Variants in KIAA0753 observed in about 807,000 individuals in gnomAD.
KIAA0753 encodes the protein protein moonraker.
KIAA0753 carries 114 observed loss-of-function variants against 116.9 expected under a neutral mutation model. That is an observed-to-expected ratio of 0.98 (90% CI 0.84 to 1.14). KIAA0753 has a LOEUF of 1.14. Among genes scored for constraint, KIAA0753 ranks in the 50% most tolerant of loss-of-function variants. KIAA0753 has a pLI of 0.00. For synonymous variants in KIAA0753, 405 were observed against 413.1 expected, an observed-to-expected ratio of 0.98 and a Z score of 0.24; for missense variants, 1,156 against 1,172.4, an observed-to-expected ratio of 0.99 and a Z score of 0.20.
At position 6,579,949 on chromosome 17, in the gene KIAA0753, A is replaced by G. The variant is rs541089262; in HGVS notation, c.2787-85T>C. 5.2e-5 allele frequency: 48 copies of G among 921,790 alleles called. No individual in the cohort carries two copies. The Admixed American group carries it at 6.3e-4, about 12-fold the overall frequency. 57.1% of individuals were successfully genotyped at this position (921,790 alleles called of 1,614,324 possible). ...TGTCATCCCAGCACTTTGGGAGGCC[A>G]AGATGGACAGATCACCTGAGGTCAG... On this transcript the variant is annotated intron_variant, in intron 18 of 18. Transcript: ENST00000361413.
intron 9 of KIAA0753, among the ~76,000 whole-genome samples, chr17:6,609,132 C>A (rs537109781): frequency 1.3e-5 from 2 of 152,278 alleles, no homozygotes; most frequent in South Asian, 4.1e-4. Flanking sequence ...TGAGCACGGC[C>A]ATTCCTTCAC....
chr17:6,638,371 G>C (rs894657835), intron 1 of KIAA0753: 2 of 152,948 alleles, frequency 1.3e-5, no homozygotes, highest in African/African-American at 4.8e-5. Flanking sequence ...CGCCCACACA[G>C]CAGCAGGCAC....
intron 12 of KIAA0753, among the ~76,000 whole-genome samples, chr17:6,603,775 A>T (rs893138466): frequency 1.3e-5 from 2 of 152,260 alleles, no homozygotes; most frequent in African/African-American, 4.8e-5. Context: ...GTGCAAATAA[A>T]GTCTGCTCTC....
intron 3 of KIAA0753, among the ~76,000 whole-genome samples, chr17:6,625,694 A>G (rs1817641346): frequency 6.6e-6 from 1 of 152,032 alleles, no homozygotes. Context: ...AAAAAGAGAG[A>G]GAGACATTAA....
chr17:6,598,782 C>T (rs117359777), intron 14 of KIAA0753, among the ~76,000 whole-genome samples: 2 of 152,300 alleles, frequency 1.3e-5, no homozygotes, highest in East Asian at 1.9e-4. Context: ...TCACCTTTTT[C>T]TCTCTGCTAG....
chr17:6,632,193 C>T (rs1227311749), intron 2 of KIAA0753, among the ~76,000 whole-genome samples: 2 of 152,252 alleles, frequency 1.3e-5, no homozygotes, highest in Middle Eastern at 3.4e-3. Flanking sequence ...TGAGCCACAA[C>T]GCCCAGCCTT....
intron 10 of KIAA0753, among the ~76,000 whole-genome samples, chr17:6,607,619 A>G (rs1015846806): frequency 6.6e-6 from 1 of 152,234 alleles, no homozygotes; most frequent in African/African-American, 2.4e-5. Context: ...GGCATGGTGA[A>G]GTCAAATAAA....
chr17:6,620,691 T>C, intron 7 of KIAA0753, 97 bp downstream of exon 7: 1 of 1,178,876 alleles, frequency 8.5e-7, no homozygotes, highest in Non-Finnish European at 1.3e-6. Flanking sequence ...GTGGGCTAGG[T>C]CCTAAATCCT....
intron 18 of KIAA0753, among the ~76,000 whole-genome samples, chr17:6,586,517 T>G (rs12603387): frequency 0.32 from 47,955 of 152,118 alleles, 8,516 homozygotes; most frequent in Admixed American, 0.4. Flanking sequence ...AAATTTTTAT[T>G]GATATTTCTT....
chr17:6,587,957 G>A (rs950817783), intron 18 of KIAA0753, among the ~76,000 whole-genome samples: 2 of 152,172 alleles, frequency 1.3e-5, no homozygotes, highest in Admixed American at 6.5e-5. Flanking sequence ...GTCTGTAAGT[G>A]GGGGTGGGAG....
At chr17:6,579,896 T>TACAA in intron 18 of KIAA0753, 32 bp from the exon 19 acceptor site, 1 of 1,557,186 alleles carries the variant, frequency 6.4e-7, no homozygotes. Context: ...TAAAGGTATG[T>TACAA]ACAAGGCCAG....
chr17:6,628,180 C>T lies in KIAA0753; in HGVS notation c.655G>A (p.Val219Ile), dbSNP rs115325772. 4.0e-3 allele frequency: 6,380 copies of T among 1,614,150 alleles called. 193 individuals carry two copies. The African/African-American group carries it at 0.071, about 18-fold the overall frequency. Residue 219 changes from valine (V) to isoleucine (I), a missense_variant, in exon 3 of 19, where the codon GTC becomes ATC. Val to Ile is a conservative substitution (Grantham distance 29). Coordinates refer to ENST00000361413, the MANE Select transcript of KIAA0753 (RefSeq NM_014804.3). ...NISEQKSLLE[V>I]QRLQKELSSC... is the part of the protein sequence containing the mutation. The stretch of plus-strand genomic sequence containing the variant: ...CTCAGTTCTTTCTGGAGTCGCTGGA[C>T]TTCTAGCAGGCTTTTCTGTTCACTT...
intron 6 of KIAA0753, among the ~76,000 whole-genome samples, chr17:6,621,563 C>T (rs1364179730): frequency 2.0e-5 from 3 of 152,092 alleles, no homozygotes; most frequent in South Asian, 2.1e-4. Flanking sequence ...CAACTGAACA[C>T]GGTCAGGAAG....
intron 18 of KIAA0753, among the ~76,000 whole-genome samples, chr17:6,586,339 CA>C (rs1968574241): frequency 6.6e-6 from 1 of 152,170 alleles, no homozygotes; most frequent in Admixed American, 6.5e-5. Context: ...AAGAATGGCC[CA>C]ATACACCTAC....
At chr17:6,607,091 C>T (rs1395009054) in intron 11 of KIAA0753, 90 bp downstream of exon 11, 4 of 1,398,106 alleles carry the variant, frequency 2.9e-6, no homozygotes, top group Non-Finnish European at 4.1e-6. Context: ...AGAAGTGTAG[C>T]TAGACCTAAA....
Position 6,599,330 on chromosome 17 carries a change from C to T in KIAA0753, c.2089-10G>A, listed in dbSNP as rs1186773778. 1 of 1,544,038 alleles carries T rather than the reference C, an allele frequency of 6.5e-7. No homozygotes were observed. The highest frequency in any genetic ancestry group is 9.0e-7 in the Non-Finnish European group (1 of 1,116,870). Reference sequence around the variant, plus strand: ...TAGTAGAATTGACTCTCTATTAAAACAGACAAATACATTCATGGAGTATAA... The same window carrying T: ...TAGTAGAATTGACTCTCTATTAAAATAGACAAATACATTCATGGAGTATAA... On this transcript the variant is annotated splice_polypyrimidine_tract_variant and intron_variant, in intron 13 of 18. Coordinates refer to ENST00000361413, the MANE Select transcript of KIAA0753 (RefSeq NM_014804.3).
At chr17:6,623,192 T>C (rs1471996659) in intron 5 of KIAA0753, 95 bp from the exon 6 acceptor site, 11 of 1,218,934 alleles carry the variant, frequency 9.0e-6, no homozygotes, top group African/African-American at 1.5e-5. Context: ...GTCTTCTTTC[T>C]GTATAAAGTG....
intron 7 of KIAA0753, among the ~76,000 whole-genome samples, chr17:6,620,419 TACATATATATATATAC>T (rs1160197600): frequency 2.5e-5 from 3 of 121,254 alleles, no homozygotes; most frequent in Non-Finnish European, 1.8e-5. Context: ...GAAAAAAAAA[TACATATATATATATAC>T]ACATATATAT....
intron 7 of KIAA0753, among the ~76,000 whole-genome samples, chr17:6,612,846 G>A (rs1378379880): frequency 1.3e-5 from 2 of 151,982 alleles, no homozygotes; most frequent in Non-Finnish European, 2.9e-5. Context: ...CCAGCCTGAG[G>A]GACAAGAGCG....
Sources: gnomAD v4.1 joint callset for allele counts (sites outside exome capture counted in the v4.1 genomes callset) on GRCh38, gnomAD v4.1.1 for gene constraint, MANE v1.5 for transcripts, NCBI Gene and HGNC (gene_info 2026-07-23, HGNC 2026-07-21) for gene names.